The following APEH variants were observed in gnomAD, a reference collection of about 807,000 sequenced individuals.
APEH encodes the protein acylaminoacyl-peptide hydrolase, also known as acylamino-acid-releasing enzyme.
APEH carries 75 observed loss-of-function variants against 102.7 expected under a neutral mutation model. That is an observed-to-expected ratio of 0.73 (90% CI 0.61 to 0.89). The LOEUF is 0.89. Among genes scored for constraint, APEH ranks in the 40% least tolerant of loss-of-function variants. The pLI, the probability that APEH is intolerant of heterozygous loss-of-function variation, is 0.00. For missense variants in APEH, 863 were observed against 941.2 expected, an observed-to-expected ratio of 0.92 and a Z score of 1.09; for synonymous variants, 344 against 362.7, an observed-to-expected ratio of 0.95 and a Z score of 0.59.
chr3:49,677,459 C>A, intron 10 of APEH, 114 bp from the exon 11 acceptor site: 1 of 956,004 alleles, frequency 1.0e-6, no homozygotes, highest in South Asian at 1.3e-5. Flanking sequence ...CAGGCTTATT[C>A]CAGTTCCCCC....
In APEH at chr3:49,679,654, G is replaced by T; in HGVS notation, c.1210+10G>T. 2 of 1,613,352 alleles carry T rather than the reference G, an allele frequency of 1.2e-6. No individual in the cohort carries two copies. Among genetic ancestry groups the T allele is most frequent in the Non-Finnish European group, 8.5e-7 (1 of 1,179,428 alleles). Reference sequence around the variant, plus strand: ...ACCTCCCTCACAGCTGGTGAGCAAGGCTTTGGGGATGGGGGTAAGGGCAGG... The same window carrying T: ...ACCTCCCTCACAGCTGGTGAGCAAGTCTTTGGGGATGGGGGTAAGGGCAGG... On this transcript the variant is annotated intron_variant, in intron 13 of 21. Coordinates refer to ENST00000296456, the MANE Select transcript of APEH (RefSeq NM_001640.4). The surrounding 1 kb of genome is among the most constrained non-coding windows in gnomAD (Gnocchi z 4.3).
chr3:49,677,713 C>T, intron 11 of APEH, 80 bp downstream of exon 11: 2 of 1,384,720 alleles, frequency 1.4e-6, no homozygotes, highest in Middle Eastern at 2.3e-4. Context: ...CTGCCCCGTT[C>T]TTCTTTCCTA....
chr3:49,673,941 C>T, upstream of APEH: 1 of 199,964 alleles, frequency 5.0e-6, no homozygotes, highest in Non-Finnish European at 1.0e-5. Context: ...CCTCGGGCCC[C>T]GCCCTTCGCG....
chr3:49,681,090 C>A lies in APEH; in HGVS notation c.1300-11C>A. ...CCAGGCCACCTATGACACATTCTTT[C>A]CCCTTGGCAGAAAGTTGGGTTCCTG... On this transcript the variant is annotated splice_polypyrimidine_tract_variant and intron_variant, in intron 14 of 21. Coordinates refer to ENST00000296456, the MANE Select transcript of APEH (RefSeq NM_001640.4). The A allele has an allele frequency of 1.3e-6, 2 of 1,568,142 alleles. No homozygotes were observed. The highest frequency in any genetic ancestry group is 1.7e-6 in the Non-Finnish European group (2 of 1,155,502).
chr3:49,680,693 C>T, intron 14 of APEH, 64 bp downstream of exon 14: 5 of 1,443,364 alleles, frequency 3.5e-6, no homozygotes, highest in African/African-American at 1.4e-5. Flanking sequence ...CTCACCAGGT[C>T]AGGGAATTGG....
upstream of APEH, chr3:49,674,170 C>T (rs1017025186): frequency 1.6e-5 from 9 of 569,668 alleles, no homozygotes; most frequent in Non-Finnish European, 2.4e-5. Flanking sequence ...CCGCCCCTGG[C>T]GAGACCCCTG....
rs761390455 is a variant in APEH at position 49,676,081 on chromosome 3, G to T, written c.468G>T (p.Ser156=). 3 of 1,614,070 alleles carry T rather than the reference G, an allele frequency of 1.9e-6. No homozygotes were observed. The African/African-American group carries it at 4.0e-5, about 22-fold the overall frequency. ...ACTGCTTTGGCTGCCTGTCCTGGTC[G>T]CACTCGGAGACACACTTGTTGTATG... The part of the protein sequence containing the change: ...EDDCFGCLSW[S]HSETHLLYVA... Residue 156 remains serine, a synonymous_variant, in exon 6 of 22, where the codon TCG becomes TCT. Coordinates refer to ENST00000296456, the MANE Select transcript of APEH (RefSeq NM_001640.4).
rs572062070 is a variant in APEH at position 49,681,544 on chromosome 3, G to A, written c.1439-178G>A. Reference sequence around the variant, plus strand: ...ATCCCGAATGCTGTTGCTGCAGGATGGGGTTCCCTGACGAGGGCAGAAGAA... The same window carrying A: ...ATCCCGAATGCTGTTGCTGCAGGATAGGGTTCCCTGACGAGGGCAGAAGAA... On this transcript the variant is annotated intron_variant, in intron 15 of 21. Coordinates refer to ENST00000296456, the MANE Select transcript of APEH (RefSeq NM_001640.4). Among the ~76,000 whole-genome samples the A allele has an allele frequency of 1.3e-3, 193 of 152,338 alleles. 1 individual carries two copies. Among genetic ancestry groups the A allele is most frequent in the South Asian group, 3.3e-3 (16 of 4,826 alleles).
intron 14 of APEH, 136 bp from the exon 15 acceptor site, chr3:49,680,965 C>T (rs1003222546): frequency 1.5e-5 from 17 of 1,166,228 alleles, no homozygotes; most frequent in African/African-American, 6.2e-5. Context: ...CATCCCACAA[C>T]AGGAAGCCAT....
In APEH at chr3:49,678,510, C is replaced by T. The variant is rs1575472183; in HGVS notation, c.1061-342C>T. On this transcript the variant is annotated intron_variant, in intron 11 of 21. Transcript: ENST00000296456. The stretch of plus-strand genomic sequence containing the variant: ...AGCACCACAGTGGAGATAAGACGGA[C>T]AGATGATATCTTGGTTAAAGCACCT... 3.3e-5 allele frequency among the ~76,000 whole-genome samples: 5 copies of T among 152,298 alleles called. No homozygotes were observed. In the South Asian group the frequency reaches 1.0e-3, roughly 32 times the overall value.
At position 49,676,435 on chromosome 3, in the gene APEH, C is replaced by T. The variant is rs777745736; in HGVS notation, c.664C>T (p.Pro222Ser). The T allele has an allele frequency of 1.2e-6, 2 of 1,614,224 alleles. No individual in the cohort carries two copies. The highest frequency in any genetic ancestry group is 2.2e-5 in the East Asian group (1 of 44,884). Residue 222 changes from proline to serine, a missense_variant, in exon 7 of 22, where the codon CCT becomes TCT. Coordinates refer to ENST00000296456, the MANE Select transcript of APEH (RefSeq NM_001640.4). ...WGENMVSKSI[P>S]VLCVLDVESG... ...AGAAAACATGGTTTCCAAAAGCATCCCTGTGCTCTGCGTGCTGGATGTCGA... is the reference window on the plus strand; with the variant it reads ...AGAAAACATGGTTTCCAAAAGCATCTCTGTGCTCTGCGTGCTGGATGTCGA...
Position 49,681,764 on chromosome 3 carries a change from C to T in APEH, c.1481C>T (p.Pro494Leu). 1.2e-6 allele frequency: 2 copies of T among 1,608,802 alleles called. No individual in the cohort carries two copies. Among genetic ancestry groups the T allele is most frequent in the Non-Finnish European group, 1.7e-6 (2 of 1,176,800 alleles). The change falls in exon 16 of 22, where the codon CCT (proline) becomes CTT (leucine). Residue 494 changes from proline (P) to leucine (L), a missense_variant. By Grantham distance (98) the Pro-to-Leu change is moderately conservative. Coordinates refer to ENST00000296456, the MANE Select transcript of APEH (RefSeq NM_001640.4). ...FEAILLQPGS[P>L]PDKTQVPMVV... ...GCAATCCTGCTGCAGCCTGGCAGCC[C>T]TCCAGATAAGACCCAAGTGCCCATG...
At chr3:49,675,103 C>A in intron 2 of APEH, 80 bp from the exon 3 acceptor site, 1 of 1,583,564 alleles carries the variant, frequency 6.3e-7, no homozygotes, top group Non-Finnish European at 8.6e-7. Flanking sequence ...AGATCTAGGC[C>A]TTCCTGGGTC....
Position 49,674,629 on chromosome 3 carries a change from T to C in APEH, c.145+8T>C. ...ACCGGACGGTGCACACTGGTGTGTGTGCGAAGGGGAACTGGCTGGCGACGG... is the reference window on the plus strand; with the variant it reads ...ACCGGACGGTGCACACTGGTGTGTGCGCGAAGGGGAACTGGCTGGCGACGG... On this transcript the variant is annotated splice_region_variant and intron_variant, in intron 2 of 21. Coordinates refer to ENST00000296456, the MANE Select transcript of APEH (RefSeq NM_001640.4). 2 of 1,586,846 alleles carry C rather than the reference T, an allele frequency of 1.3e-6. No individual in the cohort carries two copies. The highest frequency in any genetic ancestry group is 1.1e-5 in the South Asian group (1 of 88,868).
chr3:49,676,775 A>C lies in APEH; in HGVS notation c.837-2A>C. ...GACTGAGTGTCTGTCTCGTGGTTCC[A>C]GGTCAGCCCTGTATTATGTGGACCT... On this transcript the variant is annotated splice_acceptor_variant, in intron 8 of 21. Transcript: ENST00000296456. LOFTEE classifies it high-confidence loss of function. 1 of 1,614,266 alleles carries C rather than the reference A, an allele frequency of 6.2e-7. No homozygotes were observed.
chr3:49,683,105 G>A lies in APEH; in HGVS notation c.2052G>A (p.Met684Ile). ...GGCGTGTGCCCTTCAAGCAGGGCAT[G>A]GAGTATTACCGTGCCCTCAAGACCC... ...EDRRVPFKQG[M>I]EYYRALKTRN... Residue 684 changes from methionine (M) to isoleucine (I), a missense_variant, in exon 21 of 22, where the codon ATG becomes ATA. Met to Ile is a conservative substitution (Grantham distance 10). Coordinates refer to ENST00000296456, the MANE Select transcript of APEH (RefSeq NM_001640.4). 2 of 1,614,106 alleles carry A rather than the reference G, an allele frequency of 1.2e-6. No homozygotes were observed. The highest frequency in any genetic ancestry group is 8.5e-7 in the Non-Finnish European group (1 of 1,180,042).
intron 11 of APEH, 147 bp from the exon 12 acceptor site, chr3:49,678,705 G>T (rs891464312): frequency 1.5e-6 from 1 of 682,994 alleles, no homozygotes; most frequent in Non-Finnish European, 2.5e-6. Flanking sequence ...ATCGCGTAGC[G>T]TGCCCCCATG....
At position 49,675,845 on chromosome 3, in the gene APEH, A is replaced by C. The variant is rs773370227; in HGVS notation, c.367-46A>C. 9 of 1,612,318 alleles carry C rather than the reference A, an allele frequency of 5.6e-6. No individual in the cohort carries two copies. In the African/African-American group the frequency reaches 9.3e-5, roughly 17 times the overall value. ...AAGAGAGAGGCTCTGCCCCACAGATAAGGCTCTGTTAGCGGGCAAACAGCC... is the reference window on the plus strand; with the variant it reads ...AAGAGAGAGGCTCTGCCCCACAGATCAGGCTCTGTTAGCGGGCAAACAGCC... On this transcript the variant is annotated intron_variant, in intron 4 of 21. Coordinates refer to ENST00000296456, the MANE Select transcript of APEH (RefSeq NM_001640.4).
rs780873619 is a variant in APEH, at chr3:49,675,355, C to T, written c.272+46C>T. On this transcript the variant is annotated intron_variant, in intron 3 of 21. Transcript: ENST00000296456. ...TTGTGGGCAAGGCCACAGCCGTCCG[C>T]AATGCAAGCCTTTTATGAATGCTCA... 7 of 1,606,180 alleles carry T rather than the reference C, an allele frequency of 4.4e-6. No homozygotes were observed. In the African/African-American group the frequency reaches 6.7e-5, roughly 15 times the overall value.
Sources: gnomAD v4.1 joint callset for allele counts (sites outside exome capture counted in the v4.1 genomes callset) on GRCh38, gnomAD v4.1.1 for gene constraint, Gnocchi (gnomAD v3.1) non-coding constraint, MANE v1.5 for transcripts, NCBI Gene and HGNC (gene_info 2026-07-23, HGNC 2026-07-21) for gene names.